The following ADGRD1 variants were observed in gnomAD, a reference collection of about 807,000 sequenced individuals.
The protein encoded by ADGRD1 is adhesion G protein-coupled receptor D1.
Under a neutral mutation model 113.4 loss-of-function variants are expected in ADGRD1, and 77 were observed. The observed-to-expected ratio is 0.68, with a 90% CI of 0.57 to 0.82. ADGRD1 has a LOEUF of 0.82. Ranked by LOEUF, ADGRD1 falls within the 40% of genes least tolerant of loss-of-function variation. The pLI, the probability that ADGRD1 is intolerant of heterozygous loss-of-function variation, is 0.00. For missense variants in ADGRD1, 1,036 were observed against 1,139.1 expected (o/e 0.91, Z 1.30); for synonymous variants, 474 against 475.0 (o/e 1.00, Z 0.03).
intron 5 of ADGRD1, among the ~76,000 whole-genome samples, chr12:130,985,176 A>G (rs1428129275): frequency 6.6e-6 from 1 of 151,334 alleles, no homozygotes; most frequent in Non-Finnish European, 1.5e-5. Context: ...GCTTCAAGCG[A>G]TCCTCCCATC....
chr12:131,017,734 G>T (rs535205529), intron 13 of ADGRD1, among the ~76,000 whole-genome samples: 3 of 140,416 alleles, frequency 2.1e-5, no homozygotes, highest in Non-Finnish European at 3.0e-5. Context: ...CACATACCCA[G>T]CACAGACACA....
intron 4 of ADGRD1, chr12:130,980,661 G>C (rs571075046): frequency 6.6e-6 from 1 of 152,352 alleles, no homozygotes; most frequent in South Asian, 2.1e-4. Flanking sequence ...GCCTCCCAAA[G>C]TGCTGGGATT....
rs988297758 is a variant in ADGRD1, at chr12:131,027,428, C to G, written c.1473+13088C>G. On this transcript the variant is annotated intron_variant, in intron 13 of 24. Coordinates refer to ENST00000261654, the MANE Select transcript of ADGRD1 (RefSeq NM_198827.5). The surrounding 1 kb of genome is among the most constrained non-coding windows in gnomAD (Gnocchi z 5.1). ...CAGTAGCTCAGACTGTATCATCATT[C>G]TCACGGCTGCTTAATAGTCTACGTT... is the stretch of plus-strand genomic sequence containing the variant. The G allele has an allele frequency of 1.3e-5, 2 of 152,190 alleles. No homozygotes were observed. The highest frequency in any genetic ancestry group is 4.8e-5 in the African/African-American group (2 of 41,442). 9.4% of individuals were successfully genotyped at this position (152,190 alleles called of 1,614,324 possible). A position where few individuals can be genotyped will look rare whatever the true frequency, so the allele number is the denominator to read the frequency against.
intron 15 of ADGRD1, among the ~76,000 whole-genome samples, chr12:131,090,000 T>G (rs1171734015): frequency 6.6e-6 from 1 of 152,140 alleles, no homozygotes; most frequent in Admixed American, 6.5e-5. Context: ...AGCTGAAAAC[T>G]GTGTTTTTGT....
chr12:131,028,368 G>A (rs1005301682), intron 13 of ADGRD1, among the ~76,000 whole-genome samples: 6 of 152,016 alleles, frequency 3.9e-5, no homozygotes, highest in Non-Finnish European at 5.9e-5. Flanking sequence ...TTTGATATAC[G>A]TATTGCAAAT....
chr12:130,968,813 G>T, intron 3 of ADGRD1: 1 of 598,916 alleles, frequency 1.7e-6, no homozygotes, highest in Non-Finnish European at 3.0e-6. Context: ...AAGTAAACAA[G>T]GGTGGTGGAG....
intron 14 of ADGRD1, among the ~76,000 whole-genome samples, chr12:131,082,210 C>T (rs181058434): frequency 5.9e-5 from 9 of 152,170 alleles, no homozygotes; most frequent in Admixed American, 5.2e-4. Context: ...TGTTTTTTAC[C>T]GTATTTATGC....
chr12:131,025,026 C>G (rs1249454495), intron 13 of ADGRD1, among the ~76,000 whole-genome samples: 2 of 152,174 alleles, frequency 1.3e-5, no homozygotes, highest in South Asian at 2.1e-4. Flanking sequence ...GGCTTGATGC[C>G]GTGGATGGAA....
At chr12:131,104,600 G>A (rs1316843567) in intron 15 of ADGRD1, among the ~76,000 whole-genome samples, 1 of 152,082 alleles carries the variant, frequency 6.6e-6, no homozygotes, top group Non-Finnish European at 1.5e-5. Flanking sequence ...GAGCCTCAGT[G>A]TTCTGTAGGG....
intron 13 of ADGRD1, among the ~76,000 whole-genome samples, chr12:131,019,867 G>A (rs111900709): frequency 2.9e-5 from 2 of 68,056 alleles, no homozygotes; most frequent in Non-Finnish European, 7.4e-5. Flanking sequence ...CAGGGCAGGG[G>A]GTGCTCGAGA....
chr12:131,125,073 G>A lies in ADGRD1; in HGVS notation c.2175+4160G>A, dbSNP rs188970901. Among the ~76,000 whole-genome samples, 18 of 152,248 alleles carry A rather than the reference G, an allele frequency of 1.2e-4. No individual in the cohort carries two copies. In the East Asian group the frequency reaches 1.5e-3, roughly 13 times the overall value. ...TGCTTTTCCCTCTGTGCATGTCTGC[G>A]TCTTAATCTCCTCTTAAAATAAGTG... On this transcript the variant is annotated intron_variant, in intron 20 of 24. Coordinates refer to ENST00000261654, the MANE Select transcript of ADGRD1 (RefSeq NM_198827.5).
In ADGRD1 at chr12:131,022,783, A is replaced by G. The variant is rs999989863; in HGVS notation, c.1473+8443A>G. On this transcript the variant is annotated intron_variant, in intron 13 of 24. Coordinates refer to ENST00000261654, the MANE Select transcript of ADGRD1 (RefSeq NM_198827.5). This position sits in a 1 kb window ranked among gnomAD's most constrained non-coding sequence, Gnocchi z 4.6. ...GCGTTTAGAAAGCAGGATTAGGGAC[A>G]GGCGTGCTCATTTCTGCTGGAGCGT... is the stretch of plus-strand genomic sequence containing the variant. 6.6e-6 allele frequency: 1 copy of G among 150,760 alleles called. No individual in the cohort carries two copies. Among genetic ancestry groups the G allele is most frequent in the Non-Finnish European group, 1.5e-5 (1 of 67,874 alleles). 9.3% of individuals were successfully genotyped at this position (150,760 alleles called of 1,614,324 possible). A position where few individuals can be genotyped will look rare whatever the true frequency, so the allele number is the denominator to read the frequency against.
chr12:131,107,245 C>T (rs934917623), intron 17 of ADGRD1, among the ~76,000 whole-genome samples: 6 of 151,070 alleles, frequency 4.0e-5, no homozygotes, highest in Non-Finnish European at 5.9e-5. Flanking sequence ...GTGTCTGAAT[C>T]CCAGGGAAGG....
chr12:131,114,812 A>G, intron 18 of ADGRD1, among the ~76,000 whole-genome samples: 1 of 152,076 alleles, frequency 6.6e-6, no homozygotes, highest in East Asian at 1.9e-4. Context: ...GAAGGGAGGG[A>G]CAGATAACCT....
chr12:131,118,338 GAAGAA>G, intron 18 of ADGRD1, 42 bp from the exon 19 acceptor site: 1 of 1,444,156 alleles, frequency 6.9e-7, no homozygotes, highest in African/African-American at 1.4e-5. Flanking sequence ...GGGAGGGAGG[GAAGAA>G]AACTGGAGCA....
At chr12:131,038,141 G>C (rs1482563365) in intron 13 of ADGRD1, among the ~76,000 whole-genome samples, 1 of 152,198 alleles carries the variant, frequency 6.6e-6, no homozygotes, top group Admixed American at 6.5e-5. Context: ...TTGGGGGTTT[G>C]GCCCCTTTCT....
intron 13 of ADGRD1, among the ~76,000 whole-genome samples, chr12:131,020,244 GC>G (rs1879163019): frequency 2.9e-5 from 3 of 104,940 alleles, no homozygotes; most frequent in Non-Finnish European, 4.2e-5. Context: ...TCCATCCAGG[GC>G]AGGGGGTGCT....
Position 131,003,146 on chromosome 12 carries a change from G to A in ADGRD1, c.1027-39G>A. The stretch of plus-strand genomic sequence containing the variant: ...CCTGCCTGGTGCCCTGGCTGAGTGG[G>A]GTGGATTTTCATGGCTCCTGGTGCT... On this transcript the variant is annotated intron_variant, in intron 9 of 24. Transcript: ENST00000261654. The surrounding 1 kb of genome is among the most constrained non-coding windows in gnomAD (Gnocchi z 4.8). 6.7e-7 allele frequency: 1 copy of A among 1,500,308 alleles called. No homozygotes were observed. The highest frequency in any genetic ancestry group is 9.3e-7 in the Non-Finnish European group (1 of 1,076,406). 92.9% of individuals were successfully genotyped at this position (1,500,308 alleles called of 1,614,324 possible).
intron 13 of ADGRD1, among the ~76,000 whole-genome samples, chr12:131,040,676 C>T (rs1882036444): frequency 6.6e-6 from 1 of 152,214 alleles, no homozygotes; most frequent in Admixed American, 6.5e-5. Flanking sequence ...CACCCGCCCT[C>T]CAGAGCTGCC....
Sources: gnomAD v4.1 joint callset for allele counts (sites outside exome capture counted in the v4.1 genomes callset) on GRCh38, gnomAD v4.1.1 for gene constraint, Gnocchi (gnomAD v3.1) non-coding constraint, MANE v1.5 for transcripts, NCBI Gene and HGNC (gene_info 2026-07-23, HGNC 2026-07-21) for gene names.